Variants in UNC79 observed in about 807,000 individuals in gnomAD.
UNC79 encodes the protein protein unc-79 homolog.
UNC79 carries 37 observed loss-of-function variants against 283.1 expected under a neutral mutation model. That is an observed-to-expected ratio of 0.13 (90% CI 0.10 to 0.17). The LOEUF (loss-of-function observed/expected upper bound fraction) is 0.17, where lower values mean the gene tolerates loss of function less well. Ranked by LOEUF, UNC79 falls within the 10% of genes least tolerant of loss-of-function variation. UNC79 has a pLI of 1.00. For missense variants in UNC79, 2,272 were observed against 3,211.1 expected (o/e 0.71, Z 7.07); for synonymous variants, 1,107 against 1,200.2 (o/e 0.92, Z 1.61).
chr14:93,352,844 G>C lies in UNC79; in HGVS notation c.-351+19321G>C, dbSNP rs571050375. ...GTAAATTGAAAGTATTGTAAGTACT[G>C]TAAGTTGAAAATGCATTTAATCCAC... On this transcript the variant is annotated intron_variant, in intron 1 of 49. Transcript: ENST00000256339. Among the ~76,000 whole-genome samples the C allele has an allele frequency of 5.9e-5, 9 of 152,324 alleles. No individual in the cohort carries two copies. The South Asian group carries it at 1.7e-3, about 28-fold the overall frequency.
intron 14 of UNC79, among the ~76,000 whole-genome samples, chr14:93,549,758 A>G (rs2061778429): frequency 6.6e-6 from 1 of 152,208 alleles, no homozygotes; most frequent in Admixed American, 6.5e-5. Context: ...TTACATCCTG[A>G]TGTTTGCCTT....
rs1221531218 is a variant in UNC79 at position 93,688,754 on chromosome 14, C to T, written c.6999C>T (p.Asp2333=). 7 of 1,613,736 alleles carry T rather than the reference C, an allele frequency of 4.3e-6. No individual in the cohort carries two copies. The highest frequency in any genetic ancestry group is 5.9e-6 in the Non-Finnish European group (7 of 1,179,952). ...GGCTGGCCCAGATTGCAGCCATGGA[C>T]ATCTCACGGGGCAACCACAGAGATA... The change falls in exon 44 of 49, where the codon GAC becomes GAT. Residue 2333 remains aspartate (D), a synonymous_variant. Transcript: ENST00000555664. This position sits in a 1 kb window ranked among gnomAD's most constrained non-coding sequence, Gnocchi z 4.0.
intron 14 of UNC79, among the ~76,000 whole-genome samples, chr14:93,561,803 G>A (rs1379649586): frequency 6.6e-6 from 1 of 152,152 alleles, no homozygotes; most frequent in Non-Finnish European, 1.5e-5. Context: ...TATCAGCTGC[G>A]ATGGCTTGGA....
At chr14:93,542,736 G>A (rs916962496) in intron 14 of UNC79, 40 bp downstream of exon 14, 6 of 1,605,498 alleles carry the variant, frequency 3.7e-6, no homozygotes, top group Middle Eastern at 1.7e-4. Context: ...TTAGAGAGGA[G>A]GACTTGGGGA....
In UNC79 at chr14:93,561,294, T is replaced by C. The variant is rs534436802; in HGVS notation, c.1756-10600T>C. ...GTTTTTGTTGTGAGGGGTCCAAATA[T>C]GGGGGGAGTAGAGTTGATATAAGGA... On this transcript the variant is annotated intron_variant, in intron 14 of 48. Coordinates refer to ENST00000555664, the Ensembl canonical transcript of UNC79. Among the ~76,000 whole-genome samples the C allele has an allele frequency of 2.8e-4, 43 of 152,046 alleles. No homozygotes were observed. In the South Asian group the frequency reaches 8.5e-3, roughly 30 times the overall value.
At chr14:93,402,543 GA>G (rs1239313477) in intron 1 of UNC79, among the ~76,000 whole-genome samples, 3 of 152,016 alleles carry the variant, frequency 2.0e-5, no homozygotes, top group Non-Finnish European at 4.4e-5. Context: ...CCATTGAAAT[GA>G]AACATTAATT....
intron 11 of UNC79, among the ~76,000 whole-genome samples, chr14:93,535,510 G>A (rs1441511197): frequency 6.6e-6 from 1 of 152,168 alleles, no homozygotes; most frequent in Non-Finnish European, 1.5e-5. Flanking sequence ...TAGACTCTGT[G>A]GATCAGAGAT....
At chr14:93,487,326 C>G (rs2058495063) in intron 4 of UNC79, among the ~76,000 whole-genome samples, 1 of 152,090 alleles carries the variant, frequency 6.6e-6, no homozygotes, top group Admixed American at 6.6e-5. Context: ...TATCTTTGGG[C>G]ACACAGAGGA....
intron 1 of UNC79, among the ~76,000 whole-genome samples, chr14:93,451,225 G>T (rs759928825): frequency 2.4e-4 from 36 of 151,996 alleles, no homozygotes; most frequent in Non-Finnish European, 4.1e-4. Context: ...TAGATGGTTG[G>T]CCTTCCTTCC....
chr14:93,417,008 T>G (rs1439760085), intron 1 of UNC79, among the ~76,000 whole-genome samples: 1 of 152,182 alleles, frequency 6.6e-6, no homozygotes, highest in Non-Finnish European at 1.5e-5. Flanking sequence ...ATTGGAGCAT[T>G]TAGTCCATTT....
chr14:93,413,363 G>T (rs1481229853), intron 1 of UNC79, among the ~76,000 whole-genome samples: 3 of 151,476 alleles, frequency 2.0e-5, no homozygotes, highest in African/African-American at 4.9e-5. Context: ...AACTCATCAT[G>T]TTTTATGGCT....
rs114584226 is a variant in UNC79 at position 93,565,785 on chromosome 14, A to G, written c.1756-6109A>G. On this transcript the variant is annotated intron_variant, in intron 14 of 48. Coordinates refer to ENST00000555664, the Ensembl canonical transcript of UNC79. Reference sequence around the variant, plus strand: ...GAGGGAGAATACTTAGAAGACTTAAAGAAGATTACAGAGTTCAAAGCCAGG... The same window carrying G: ...GAGGGAGAATACTTAGAAGACTTAAGGAAGATTACAGAGTTCAAAGCCAGG... Among the ~76,000 whole-genome samples, 588 of 152,328 alleles carry G rather than the reference A, an allele frequency of 3.9e-3. 5 individuals are homozygous for G. Among genetic ancestry groups the G allele is most frequent in the African/African-American group, 0.013 (551 of 41,572 alleles).
intron 42 of UNC79, among the ~76,000 whole-genome samples, chr14:93,684,154 A>G (rs1222349988): frequency 1.3e-5 from 2 of 152,172 alleles, no homozygotes; most frequent in Non-Finnish European, 2.9e-5. Flanking sequence ...GGACTTACTC[A>G]CTTTGCATAA....
chr14:93,510,441 T>C (rs2059765969), intron 7 of UNC79, among the ~76,000 whole-genome samples: 2 of 152,344 alleles, frequency 1.3e-5, no homozygotes, highest in South Asian at 4.1e-4. Flanking sequence ...CTTTTAAATA[T>C]TAAGTTTCAG....
At chr14:93,587,551 GTTTA>G (rs1474108872) in intron 22 of UNC79, among the ~76,000 whole-genome samples, 1 of 152,124 alleles carries the variant, frequency 6.6e-6, no homozygotes, top group Non-Finnish European at 1.5e-5. Context: ...TACTCATTTT[GTTTA>G]TTTATTATTC....
chr14:93,510,022 G>T (rs933376706), intron 7 of UNC79, among the ~76,000 whole-genome samples: 1 of 152,166 alleles, frequency 6.6e-6, no homozygotes, highest in South Asian at 2.1e-4. Flanking sequence ...CTCAACTCTT[G>T]CCCTCTGCAT....
intron 10 of UNC79, among the ~76,000 whole-genome samples, chr14:93,530,736 C>T (rs970905816): frequency 5.3e-4 from 80 of 152,172 alleles, no homozygotes; most frequent in African/African-American, 1.7e-3. Flanking sequence ...GGTGAAACCC[C>T]GTCACTACTA....
chr14:93,549,561 TA>T (rs1457777831), intron 14 of UNC79, among the ~76,000 whole-genome samples: 1 of 152,224 alleles, frequency 6.6e-6, no homozygotes, highest in Admixed American at 6.5e-5. Flanking sequence ...TTATATATGT[TA>T]AAATAAAAAC....
chr14:93,656,978 T>C (rs975741700), intron 38 of UNC79, among the ~76,000 whole-genome samples: 3 of 152,218 alleles, frequency 2.0e-5, no homozygotes, highest in Non-Finnish European at 2.9e-5. Flanking sequence ...CAACCTATGC[T>C]AATACATTTT....
Sources: allele counts gnomAD v4.1 joint callset (sites outside exome capture counted in the v4.1 genomes callset), GRCh38; gene constraint gnomAD v4.1.1; non-coding constraint Gnocchi (gnomAD v3.1); transcripts MANE v1.5; gene names NCBI Gene and HGNC (gene_info 2026-07-23, HGNC 2026-07-21).